Variants in SLC35F1 observed in about 807,000 individuals in gnomAD.
SLC35F1 encodes the protein chromosome 6 open reading frame 169.
In SLC35F1, 14 loss-of-function variants were observed where a neutral mutation model predicts 48.7. The observed-to-expected ratio is 0.29, with a 90% CI of 0.19 to 0.45. The LOEUF is 0.45. SLC35F1 is among the 20% of genes least tolerant of loss of function. The probability of loss-of-function intolerance (pLI) is 1.00; values close to 1 mark genes in which losing one functional copy is unlikely to be tolerated. For missense variants in SLC35F1, 404 were observed against 500.0 expected (o/e 0.81, Z 1.83); for synonymous variants, 190 against 202.2 (o/e 0.94, Z 0.51).
Position 118,276,644 on chromosome 6 carries a change from A to T in SLC35F1, c.795-850A>T, listed in dbSNP as rs116760749. ...TTTTGTGCTTCAGCTTTGTGAAAGG[A>T]AAAGGAATTATCTAGTTCAACTATT... On this transcript the variant is annotated intron_variant, in intron 5 of 7. Transcript: ENST00000360388. Among the ~76,000 whole-genome samples the T allele has an allele frequency of 8.8e-3, 1,344 of 152,324 alleles. 12 individuals carry two copies. The highest frequency in any genetic ancestry group is 0.03 in the African/African-American group (1,258 of 41,582).
At chr6:117,955,932 T>C (rs1776421581) in intron 1 of SLC35F1, among the ~76,000 whole-genome samples, 1 of 152,230 alleles carries the variant, frequency 6.6e-6, no homozygotes, top group Non-Finnish European at 1.5e-5. Context: ...ACAGGCATTT[T>C]ATAACTGGAA....
chr6:118,144,072 C>G (rs969124497), intron 1 of SLC35F1, among the ~76,000 whole-genome samples: 1 of 152,148 alleles, frequency 6.6e-6, no homozygotes, highest in Non-Finnish European at 1.5e-5. Flanking sequence ...TTTGACCCAG[C>G]AATCCCATTA....
At chr6:117,965,872 C>T (rs760769030) in intron 1 of SLC35F1, among the ~76,000 whole-genome samples, 47 of 152,124 alleles carry the variant, frequency 3.1e-4, no homozygotes, top group Admixed American at 7.2e-4. Context: ...CACCAATCAG[C>T]GCTATGTCTA....
intron 4 of SLC35F1, among the ~76,000 whole-genome samples, chr6:118,267,596 G>T (rs1775791520): frequency 6.6e-6 from 1 of 152,088 alleles, no homozygotes; most frequent in Admixed American, 6.5e-5. Context: ...GCCAGAGAAA[G>T]ACTGAGCTTT....
intron 2 of SLC35F1, among the ~76,000 whole-genome samples, chr6:118,165,353 T>A (rs571723294): frequency 1.2e-4 from 19 of 152,236 alleles, no homozygotes; most frequent in Admixed American, 8.5e-4. Flanking sequence ...TGGGGAAAAA[T>A]GGTAAGAAAA....
At chr6:117,966,771 A>G (rs778827289) in intron 1 of SLC35F1, among the ~76,000 whole-genome samples, 23 of 152,146 alleles carry the variant, frequency 1.5e-4, no homozygotes, top group Non-Finnish European at 2.5e-4. Context: ...TTGTAAAGCC[A>G]TTAGCCATAT....
intron 2 of SLC35F1, among the ~76,000 whole-genome samples, chr6:118,178,920 G>C (rs1229194092): frequency 6.6e-6 from 1 of 152,076 alleles, no homozygotes; most frequent in East Asian, 1.9e-4. Flanking sequence ...AGCCATAACA[G>C]AAAGATTATG....
intron 1 of SLC35F1, among the ~76,000 whole-genome samples, chr6:117,972,574 A>T (rs915840105): frequency 1.1e-4 from 16 of 152,346 alleles, no homozygotes; most frequent in Non-Finnish European, 1.9e-4. Context: ...GAGGCCTCAC[A>T]ATCATGGCAG....
At chr6:117,953,432 TAA>T (rs534394428) in intron 1 of SLC35F1, among the ~76,000 whole-genome samples, 9 of 152,196 alleles carry the variant, frequency 5.9e-5, no homozygotes, top group Non-Finnish European at 1.3e-4. Flanking sequence ...GTCATATACA[TAA>T]GAGACATGTT....
At chr6:117,930,397 C>T (rs1393274027) in intron 1 of SLC35F1, among the ~76,000 whole-genome samples, 1 of 152,142 alleles carries the variant, frequency 6.6e-6, no homozygotes, top group Non-Finnish European at 1.5e-5. Flanking sequence ...ATGGGCTTTC[C>T]TCTTCCACAG....
At chr6:118,219,214 T>A (rs982875885) in intron 2 of SLC35F1, among the ~76,000 whole-genome samples, 54 of 152,320 alleles carry the variant, frequency 3.5e-4, no homozygotes, top group African/African-American at 1.3e-3. Flanking sequence ...AATAGAGACC[T>A]TAAGTTCTAT....
intron 3 of SLC35F1, among the ~76,000 whole-genome samples, chr6:118,247,749 G>T (rs964656000): frequency 2.7e-5 from 4 of 147,744 alleles, no homozygotes; most frequent in Non-Finnish European, 4.4e-5. Context: ...AAATTGCCTG[G>T]CATATTTGGT....
At chr6:117,926,258 A>G (rs1209779564) in intron 1 of SLC35F1, among the ~76,000 whole-genome samples, 2 of 152,138 alleles carry the variant, frequency 1.3e-5, no homozygotes, top group Non-Finnish European at 2.9e-5. Context: ...ATAAGCATCT[A>G]GCATTTCCCC....
At chr6:118,072,233 G>A (rs914894164) in intron 1 of SLC35F1, among the ~76,000 whole-genome samples, 2 of 151,976 alleles carry the variant, frequency 1.3e-5, no homozygotes, top group African/African-American at 4.8e-5. Flanking sequence ...TTCCTTTTAC[G>A]AATATAGTAC....
intron 6 of SLC35F1, among the ~76,000 whole-genome samples, chr6:118,278,036 G>C (rs368457108): frequency 6.6e-6 from 1 of 152,214 alleles, no homozygotes; most frequent in South Asian, 2.1e-4. Context: ...GAAAGAAATG[G>C]TTAATTGGTC....
At chr6:118,021,159 G>C (rs1305444495) in intron 1 of SLC35F1, among the ~76,000 whole-genome samples, 7 of 152,130 alleles carry the variant, frequency 4.6e-5, no homozygotes, top group Middle Eastern at 3.2e-3. Flanking sequence ...CCTCAGGGGA[G>C]GGGAAGGCTC....
chr6:118,196,941 A>G (rs1421773489), intron 2 of SLC35F1, among the ~76,000 whole-genome samples: 2 of 151,912 alleles, frequency 1.3e-5, no homozygotes, highest in Non-Finnish European at 2.9e-5. Flanking sequence ...CATTTATTAA[A>G]GAGACTGTCT....
intron 1 of SLC35F1, among the ~76,000 whole-genome samples, chr6:118,084,597 G>A (rs148858552): frequency 4.1e-4 from 63 of 152,188 alleles, no homozygotes; most frequent in Middle Eastern, 3.4e-3. Context: ...ACAGTATGTG[G>A]TGTGCTTCAA....
intron 1 of SLC35F1, among the ~76,000 whole-genome samples, chr6:118,069,942 C>T (rs1203860781): frequency 6.6e-6 from 1 of 151,500 alleles, no homozygotes; most frequent in East Asian, 1.9e-4. Flanking sequence ...CAAGACCATC[C>T]TGGCCAACAA....
Sources: allele counts gnomAD v4.1 joint callset (sites outside exome capture counted in the v4.1 genomes callset), GRCh38; gene constraint gnomAD v4.1.1; transcripts MANE v1.5; gene names NCBI Gene and HGNC (gene_info 2026-07-23, HGNC 2026-07-21).